Variants in PTPRF observed in about 807,000 individuals in gnomAD.
The protein encoded by PTPRF is receptor-type tyrosine-protein phosphatase F.
In PTPRF, 59 loss-of-function variants were observed where a neutral mutation model predicts 201.8. The ratio of observed to expected loss-of-function variants is 0.29; its 90% confidence interval spans 0.24 to 0.36. PTPRF has a LOEUF of 0.36. Among genes scored for constraint, PTPRF ranks in the 10% least tolerant of loss-of-function variants. PTPRF has a pLI of 1.00. For missense variants in PTPRF, 2,132 were observed against 2,690.5 expected (o/e 0.79, Z 4.59); for synonymous variants, 1,088 against 1,089.7 (o/e 1.00, Z 0.03).
rs3791151 is a variant in PTPRF, at chr1:43,612,931, C to T, written c.3974-687C>T. 5 of 780,524 alleles carry T rather than the reference C, an allele frequency of 6.4e-6. No individual in the cohort carries two copies. The African/African-American group carries it at 9.0e-5, about 14-fold the overall frequency. 48.3% of individuals were successfully genotyped at this position (780,524 alleles called of 1,614,324 possible). ...CTCTCCCCTTCCCTTTCTTCTCCCC[C>T]AATCCCACTGTCTCCTAACCTTTTT... On this transcript the variant is annotated intron_variant, in intron 22 of 33. Coordinates refer to ENST00000359947, the MANE Select transcript of PTPRF (RefSeq NM_002840.5).
chr1:43,622,078 C>T lies in PTPRF; in HGVS notation c.*75C>T. The T allele has an allele frequency of 6.7e-7, 1 of 1,491,454 alleles. No homozygotes were observed. The highest frequency in any genetic ancestry group is 9.3e-7 in the Non-Finnish European group (1 of 1,071,806). The allele number at this position is 1,491,454 out of a possible 1,614,324, so 92.4% of individuals were successfully genotyped here. On this transcript the variant is annotated 3_prime_UTR_variant, in exon 34 of 34. Transcript: ENST00000359947. The stretch of plus-strand genomic sequence containing the variant: ...ACCCAGCTCCTCTGAGCCATACCGA[C>T]CATCGTCCAGCCCTCCTACGCAGAT...
At position 43,576,060 on chromosome 1, in the gene PTPRF, C is replaced by G. The variant is rs1055947266; in HGVS notation, c.569-2750C>G. The G allele has an allele frequency of 3.7e-5, 28 of 751,330 alleles. No individual in the cohort carries two copies. In the Admixed American group the frequency reaches 6.3e-4, roughly 17 times the overall value. 46.5% of individuals were successfully genotyped at this position (751,330 alleles called of 1,614,324 possible). On this transcript the variant is annotated intron_variant, in intron 6 of 33. Transcript: ENST00000359947. ...AGCCTCCTCATCTCCAGCTCCAGCACCCCCAACACCACCGGCCACCACACA... is the reference window on the plus strand; with the variant it reads ...AGCCTCCTCATCTCCAGCTCCAGCAGCCCCAACACCACCGGCCACCACACA...
At chr1:43,615,151 G>A (rs935991831) in intron 23 of PTPRF, among the ~76,000 whole-genome samples, 51 of 152,196 alleles carry the variant, frequency 3.4e-4, no homozygotes, top group African/African-American at 1.2e-3. Context: ...CTGTGGGCCA[G>A]GTTTCTGAAG....
At chr1:43,578,537 T>C (rs1475007435) in intron 6 of PTPRF, among the ~76,000 whole-genome samples, 1 of 151,518 alleles carries the variant, frequency 6.6e-6, no homozygotes, top group Non-Finnish European at 1.5e-5. Flanking sequence ...GAGCTGGGGG[T>C]TGGGGTACAG....
chr1:43,563,377 G>A (rs751007049), intron 5 of PTPRF, among the ~76,000 whole-genome samples: 1 of 152,124 alleles, frequency 6.6e-6, no homozygotes, highest in Non-Finnish European at 1.5e-5. Context: ...TGAGCCAGGT[G>A]TGCGCAGGCA....
At position 43,532,671 on chromosome 1, in the gene PTPRF, A is replaced by C. The variant is rs878931825; in HGVS notation, c.-126+1581A>C. ...AGAGTTCTGACAGGCTATCTAAGGAAATTTCTGTGCTTAGCTCCTTATTAA... is the reference window on the plus strand; with the variant it reads ...AGAGTTCTGACAGGCTATCTAAGGACATTTCTGTGCTTAGCTCCTTATTAA... On this transcript the variant is annotated intron_variant, in intron 1 of 33. Transcript: ENST00000359947. 24 of 156,516 alleles carry C rather than the reference A, an allele frequency of 1.5e-4. No individual in the cohort carries two copies. The South Asian group carries it at 4.6e-3, about 30-fold the overall frequency. The allele number at this position is 156,516 out of a possible 1,614,324, so 9.7% of individuals were successfully genotyped here. A position where few individuals can be genotyped will look rare whatever the true frequency, so the allele number is the denominator to read the frequency against.
upstream of PTPRF, among the ~76,000 whole-genome samples, chr1:43,526,309 G>A (rs1643106811): frequency 6.6e-6 from 1 of 152,150 alleles, no homozygotes; most frequent in Non-Finnish European, 1.5e-5. Flanking sequence ...GCATTAGCCA[G>A]GGCCAGGCAC....
In PTPRF at chr1:43,619,868, C is replaced by T. The variant is rs753274701; in HGVS notation, c.5111+10C>T. ...TCCTGGATGGTTATAGGTCAGCATG[C>T]ATGTCACTGCCCCACCATGCCCTAC... On this transcript the variant is annotated intron_variant, in intron 29 of 33. Transcript: ENST00000359947. 1 of 1,612,828 alleles carries T rather than the reference C, an allele frequency of 6.2e-7. No individual in the cohort carries two copies. Among genetic ancestry groups the T allele is most frequent in the Non-Finnish European group, 8.5e-7 (1 of 1,179,198 alleles).
chr1:43,545,634 T>G (rs546532204), intron 3 of PTPRF, among the ~76,000 whole-genome samples: 1 of 152,232 alleles, frequency 6.6e-6, no homozygotes, highest in African/African-American at 2.4e-5. Flanking sequence ...CCCATAGCTC[T>G]TCCCCTACGC....
chr1:43,608,615 G>A (rs1320568492), intron 21 of PTPRF, among the ~76,000 whole-genome samples: 1 of 152,310 alleles, frequency 6.6e-6, no homozygotes, highest in Non-Finnish European at 1.5e-5. Context: ...AGCGTACAGA[G>A]CTCACCAGAA....
chr1:43,564,770 G>A (rs1051138590), intron 5 of PTPRF, among the ~76,000 whole-genome samples: 2 of 152,094 alleles, frequency 1.3e-5, no homozygotes, highest in African/African-American at 2.4e-5. Flanking sequence ...GCACGGAGAC[G>A]CCACGAAGCT....
At chr1:43,569,951 G>A (rs191039434) in intron 6 of PTPRF, among the ~76,000 whole-genome samples, 173 bp downstream of exon 6, 231 of 152,320 alleles carry the variant, frequency 1.5e-3, no homozygotes, top group Non-Finnish European at 2.7e-3. Context: ...AAGAGAGCTC[G>A]TGGTTGGCTG....
intron 1 of PTPRF, among the ~76,000 whole-genome samples, chr1:43,536,229 G>A (rs1297205042): frequency 2.0e-5 from 3 of 152,118 alleles, no homozygotes; most frequent in Non-Finnish European, 2.9e-5. Flanking sequence ...AGTGGGTTCT[G>A]GGAGCTGCAG....
intron 23 of PTPRF, among the ~76,000 whole-genome samples, chr1:43,615,756 T>C (rs184086751): frequency 3.3e-3 from 506 of 151,766 alleles, no homozygotes; most frequent in African/African-American, 4.8e-3. Flanking sequence ...TTAGTAGAGA[T>C]GGGGTTTCAC....
chr1:43,528,365 T>C (rs1643205637), upstream of PTPRF, among the ~76,000 whole-genome samples: 1 of 151,802 alleles, frequency 6.6e-6, no homozygotes, highest in Non-Finnish European at 1.5e-5. Flanking sequence ...ATTTTTTTTT[T>C]CTTTTAGTAG....
At chr1:43,577,669 C>T (rs978341285) in intron 6 of PTPRF, among the ~76,000 whole-genome samples, 8 of 152,100 alleles carry the variant, frequency 5.3e-5, no homozygotes, top group African/African-American at 1.9e-4. Context: ...CAGCTTCTGT[C>T]CATGTCCTGT....
chr1:43,532,086 C>T (rs74071933), intron 1 of PTPRF, among the ~76,000 whole-genome samples: 2,972 of 152,248 alleles, frequency 0.02, 100 homozygotes, highest in African/African-American at 0.068. Context: ...GCTTGGGTCT[C>T]TCTATTTCCT....
chr1:43,532,695 A>G (rs1393358087), intron 1 of PTPRF: 1 of 146,838 alleles, frequency 6.8e-6, no homozygotes, highest in Non-Finnish European at 1.5e-5. Flanking sequence ...GCTCCTTATT[A>G]ACTCTTGCTT....
Position 43,621,144 on chromosome 1 carries a change from T to G in PTPRF, c.5567T>G (p.Leu1856Arg). Residue 1856 changes from leucine (L) to arginine (R), a missense_variant, in exon 33 of 34, where the codon CTG becomes CGG. Coordinates refer to ENST00000359947, the MANE Select transcript of PTPRF (RefSeq NM_002840.5). ...GTGTTCATCACTCTGAGCATCGTCC[T>G]GGAGCGCATGCGCTACGAGGGCGTG... is the stretch of plus-strand genomic sequence containing the variant. ...TGVFITLSIV[L>R]ERMRYEGVVD... The G allele has an allele frequency of 5.0e-6, 8 of 1,614,110 alleles. No homozygotes were observed. The highest frequency in any genetic ancestry group is 6.8e-6 in the Non-Finnish European group (8 of 1,179,938).
Sources: allele counts gnomAD v4.1 joint callset (sites outside exome capture counted in the v4.1 genomes callset), GRCh38; gene constraint gnomAD v4.1.1; transcripts MANE v1.5; gene names NCBI Gene and HGNC (gene_info 2026-07-23, HGNC 2026-07-21).